APOLD1: variants seen among roughly 807,000 people sequenced by gnomAD.
APOLD1 encodes the protein apolipoprotein L domain containing 1, also known as apolipoprotein L domain-containing protein 1.
A neutral mutation model predicts 15.3 loss-of-function variants in APOLD1; 22 were observed. The observed-to-expected ratio is 1.44, with a 90% CI of 1.03 to 2.05. The LOEUF is 2.05. Ranked by LOEUF, APOLD1 falls within the 30% of genes most tolerant of loss-of-function variation. APOLD1 has a pLI of 0.00. For missense variants in APOLD1, 394 were observed against 353.5 expected (o/e 1.11, Z -0.92); for synonymous variants, 190 against 167.4 (o/e 1.13, Z -1.04).
intron 1 of APOLD1, among the ~76,000 whole-genome samples, chr12:12,762,956 G>A (rs1449799121): frequency 6.6e-6 from 1 of 151,902 alleles, no homozygotes; most frequent in Non-Finnish European, 1.5e-5. Flanking sequence ...GACCAGCCTG[G>A]GCAACATAGT....
chr12:12,737,692 C>T (rs11055034), intron 1 of APOLD1, among the ~76,000 whole-genome samples: 102 of 152,038 alleles, frequency 6.7e-4, no homozygotes, highest in African/African-American at 2.0e-3. Context: ...GGGAGCTGGG[C>T]GCTTATCTTT....
chr12:12,760,639 C>CAAAAA (rs201360693), intron 1 of APOLD1, among the ~76,000 whole-genome samples: 1 of 65,594 alleles, frequency 1.5e-5, no homozygotes, highest in African/African-American at 5.6e-5. Context: ...AACTCTGTCT[C>CAAAAA]AAAAAAAAAA....
intron 1 of APOLD1, among the ~76,000 whole-genome samples, chr12:12,736,483 C>T (rs1181938465): frequency 2.0e-5 from 3 of 151,932 alleles, no homozygotes; most frequent in African/African-American, 7.3e-5. Context: ...GCCATGATCA[C>T]GCCACTGCAC....
chr12:12,769,347 C>A (rs1368624041), intron 1 of APOLD1, among the ~76,000 whole-genome samples: 1 of 151,964 alleles, frequency 6.6e-6, no homozygotes, highest in Non-Finnish European at 1.5e-5. Flanking sequence ...TAGAGTAAAC[C>A]CCAAATTGGA....
chr12:12,726,306 G>A (rs983527026), intron 1 of APOLD1: 4 of 664,630 alleles, frequency 6.0e-6, no homozygotes, highest in African/African-American at 3.6e-5. Flanking sequence ...GAGCGTTTTT[G>A]CGGGAGGAAT....
intron 1 of APOLD1, among the ~76,000 whole-genome samples, chr12:12,761,946 T>C (rs1409869417): frequency 1.3e-5 from 2 of 151,636 alleles, no homozygotes; most frequent in African/African-American, 4.9e-5. Context: ...AGCAATCCTA[T>C]TGACCCAGCC....
chr12:12,750,623 GT>G (rs1250347426), intron 1 of APOLD1, among the ~76,000 whole-genome samples: 7 of 151,636 alleles, frequency 4.6e-5, no homozygotes, highest in East Asian at 3.9e-4. Flanking sequence ...TTCTTATTGA[GT>G]TTTTTTTGCG....
In APOLD1 at chr12:12,786,979, T is replaced by C. The variant is rs533348993; in HGVS notation, c.74T>C (p.Leu25Pro). 3.0e-5 allele frequency: 43 copies of C among 1,435,686 alleles called. No homozygotes were observed. The highest frequency in any genetic ancestry group is 6.1e-5 in the Admixed American group (2 of 32,686). The allele number at this position is 1,435,686 out of a possible 1,614,324, so 88.9% of individuals were successfully genotyped here. The change falls in exon 2 of 2, where the codon CTG (leucine) becomes CCG (proline). Residue 25 changes from leucine to proline, a missense_variant. Coordinates refer to ENST00000356591, the MANE Select transcript of APOLD1 (RefSeq NM_030817.3). ...DALRRFQGLL[L>P]DRRGRLHGQV... Reference sequence around the variant, plus strand: ...CTGCGGCGCTTCCAGGGACTGCTGCTGGACCGCCGAGGCCGGCTGCACGGC... The same window carrying C: ...CTGCGGCGCTTCCAGGGACTGCTGCCGGACCGCCGAGGCCGGCTGCACGGC...
intron 1 of APOLD1, among the ~76,000 whole-genome samples, chr12:12,773,027 TATG>T (rs1424302180): frequency 5.9e-5 from 9 of 151,932 alleles, no homozygotes; most frequent in African/African-American, 2.2e-4. Flanking sequence ...TATAGTAAGT[TATG>T]ATCGCACCAC....
intron 1 of APOLD1, among the ~76,000 whole-genome samples, chr12:12,779,588 G>T (rs1253571171): frequency 6.6e-6 from 1 of 152,084 alleles, no homozygotes; most frequent in African/African-American, 2.4e-5. Context: ...TCCCGTTTGT[G>T]AATACTCCTC....
In APOLD1 at chr12:12,788,912, GC is replaced by G. The variant is rs1394789837; in HGVS notation, c.*1261del. Reference sequence around the variant, plus strand: ...AATGAGAGAGAGAGAGAGAGAGCACGCGTACGTGCACCCTGGGGCAGTGTCT... The same window carrying G: ...AATGAGAGAGAGAGAGAGAGAGCACGGTACGTGCACCCTGGGGCAGTGTCT... On this transcript the variant is annotated 3_prime_UTR_variant, in exon 2 of 2. Transcript: ENST00000356591. 3 of 152,152 alleles carry G rather than the reference GC, an allele frequency of 2.0e-5. No individual in the cohort carries two copies. The highest frequency in any genetic ancestry group is 4.4e-5 in the Non-Finnish European group (3 of 68,056). The allele number at this position is 152,152 out of a possible 1,614,324, so 9.4% of individuals were successfully genotyped here. A position where few individuals can be genotyped will look rare whatever the true frequency, so the allele number is the denominator to read the frequency against.
intron 1 of APOLD1, among the ~76,000 whole-genome samples, chr12:12,738,788 G>A (rs1340581158): frequency 1.3e-5 from 2 of 152,146 alleles, no homozygotes; most frequent in Non-Finnish European, 2.9e-5. Context: ...CTGCCTATGA[G>A]GTGTGTAAGA....
At chr12:12,735,355 G>C (rs1946676238) in intron 1 of APOLD1, among the ~76,000 whole-genome samples, 1 of 152,144 alleles carries the variant, frequency 6.6e-6, no homozygotes. Context: ...CCTAGAGCGA[G>C]GGTTAGAGAA....
intron 1 of APOLD1, among the ~76,000 whole-genome samples, chr12:12,772,006 A>G (rs1422597980): frequency 6.6e-6 from 1 of 152,104 alleles, no homozygotes; most frequent in Non-Finnish European, 1.5e-5. Flanking sequence ...AAAAATGAGA[A>G]AAAAATAATT....
At chr12:12,786,849 G>C in intron 1 of APOLD1, 60 bp from the exon 2 acceptor site, 3 of 1,355,932 alleles carry the variant, frequency 2.2e-6, no homozygotes, top group Non-Finnish European at 2.8e-6. Context: ...CCGGGCAGCA[G>C]GGCGGGAGCG....
chr12:12,783,369 G>A (rs151329315), upstream of APOLD1, among the ~76,000 whole-genome samples: 2,290 of 152,120 alleles, frequency 0.015, 62 homozygotes, highest in African/African-American at 0.051. Context: ...GGAGTGCAGC[G>A]GTGTGATCTC....
At chr12:12,733,160 CAAA>C (rs10569123) in intron 1 of APOLD1, among the ~76,000 whole-genome samples, 6,472 of 138,246 alleles carry the variant, frequency 0.047, 434 homozygotes, top group African/African-American at 0.15. Flanking sequence ...CAAAAAACAC[CAAA>C]AAAAAAAAAA....
rs1335110034 is a variant in APOLD1 at position 12,761,828 on chromosome 12, T to TAGAG, written c.97-25080_97-25079insGAGA. Among the ~76,000 whole-genome samples, 8 of 20,644 alleles carry TAGAG rather than the reference T, an allele frequency of 3.9e-4. 1 individual carries two copies. Among genetic ancestry groups the TAGAG allele is most frequent in the African/African-American group, 8.6e-4 (7 of 8,154 alleles). The allele number at this position is 20,644 out of a possible 152,430, so 13.5% of individuals were successfully genotyped here. A position where few individuals can be genotyped will look rare whatever the true frequency, so the allele number is the denominator to read the frequency against. On this transcript the variant is annotated intron_variant, in intron 1 of 1. Transcript: ENST00000326765. ...ATGAACATATACATATATGTATATG[T>TAGAG]ATAGAGAGAGAGAGAGAGAGAGAGA...
rs199623946 is a variant in APOLD1, at chr12:12,726,762, AAACCAACCTG to A, written c.96+668_96+677del. 9.5e-3 allele frequency among the ~76,000 whole-genome samples: 1,443 copies of A among 152,334 alleles called. 25 individuals carry two copies. Among genetic ancestry groups the A allele is most frequent in the African/African-American group, 0.034 (1,409 of 41,558 alleles). Reference sequence around the variant, plus strand: ...TTAATTAAGGTCCATGAAAGACCATAAACCAACCTGATTATGCCTTTAGCAAGGCTGTGTT... The same window carrying A: ...TTAATTAAGGTCCATGAAAGACCATAATTATGCCTTTAGCAAGGCTGTGTT... On this transcript the variant is annotated intron_variant, in intron 1 of 1. Transcript: ENST00000326765.
Sources: allele counts gnomAD v4.1 joint callset (sites outside exome capture counted in the v4.1 genomes callset), GRCh38; gene constraint gnomAD v4.1.1; transcripts MANE v1.5; gene names NCBI Gene and HGNC (gene_info 2026-07-23, HGNC 2026-07-21).